The following SNTG1 variants were observed in gnomAD, a reference collection of about 807,000 sequenced individuals.
SNTG1 encodes syntrophin gamma 1.
A neutral mutation model predicts 74.7 loss-of-function variants in SNTG1; 39 were observed. The ratio of observed to expected loss-of-function variants is 0.52; its 90% CI spans 0.40 to 0.68. The LOEUF (loss-of-function observed/expected upper bound fraction) is 0.68. Ranked by LOEUF, SNTG1 falls within the 30% of genes least tolerant of loss-of-function variation. SNTG1 has a pLI of 0.00. For synonymous variants in SNTG1, 254 were observed against 217.1 expected (o/e 1.17, Z -1.49); for missense variants, 685 against 609.5 (o/e 1.12, Z -1.30).
intron 1 of SNTG1, among the ~76,000 whole-genome samples, chr8:50,149,741 A>C (rs1192032099): frequency 6.6e-6 from 1 of 152,020 alleles, no homozygotes; most frequent in Non-Finnish European, 1.5e-5. Context: ...GTTCTGTTCC[A>C]TTGGTCTATA....
At chr8:50,473,558 T>C (rs150850322) in intron 8 of SNTG1, among the ~76,000 whole-genome samples, 1 of 152,292 alleles carries the variant, frequency 6.6e-6, no homozygotes, top group East Asian at 1.9e-4. Flanking sequence ...CCAGAGTGTC[T>C]CCTCTGGGTT....
chr8:50,297,436 T>C (rs778432725), intron 2 of SNTG1, among the ~76,000 whole-genome samples: 1 of 152,162 alleles, frequency 6.6e-6, no homozygotes, highest in Non-Finnish European at 1.5e-5. Flanking sequence ...TTCTTTTCCT[T>C]ATTGAGTCAA....
At position 50,792,729 on chromosome 8, in the gene SNTG1, C is replaced by A; in HGVS notation, c.1454C>A (p.Ala485Asp). The A allele has an allele frequency of 6.2e-7, 1 of 1,612,512 alleles. No homozygotes were observed. Among genetic ancestry groups the A allele is most frequent in the Non-Finnish European group, 8.5e-7 (1 of 1,178,914 alleles). The change falls in exon 19 of 19, where the codon GCC (alanine) becomes GAC (aspartate). Residue 485 changes from alanine to aspartate, a missense_variant. Physicochemically the swap from Ala to Asp is moderately radical, Grantham distance 126 (BLOSUM62 -2). Transcript: ENST00000642720. ...CACTGCATTCATTCCTTCTTTGCTG[C>A]CAAGGTAGCTTGTTTGGACCCTCTA... The part of the protein sequence containing the change: ...VLHCIHSFFA[A>D]KVACLDPLFL...
chr8:50,420,206 A>C (rs1004237623), intron 4 of SNTG1, among the ~76,000 whole-genome samples: 1 of 152,194 alleles, frequency 6.6e-6, no homozygotes, highest in African/African-American at 2.4e-5. Context: ...GCATAAAGTC[A>C]AACAAATTCA....
At chr8:50,656,850 G>T in intron 13 of SNTG1, 59 bp from the exon 14 acceptor site, 2 of 1,058,090 alleles carry the variant, frequency 1.9e-6, no homozygotes, top group South Asian at 1.4e-5. Context: ...AATATTTTTA[G>T]ATATAAGATA....
At chr8:50,093,951 T>TA (rs1321485905) in intron 1 of SNTG1, among the ~76,000 whole-genome samples, 3 of 152,122 alleles carry the variant, frequency 2.0e-5, no homozygotes, top group African/African-American at 7.2e-5. Context: ...ATGAGGACAT[T>TA]ACTTGAGATA....
At chr8:50,221,596 G>T (rs958598494) in intron 2 of SNTG1, among the ~76,000 whole-genome samples, 3 of 151,622 alleles carry the variant, frequency 2.0e-5, no homozygotes, top group Non-Finnish European at 4.4e-5. Flanking sequence ...CAATGAGAGA[G>T]TTAGTAATAT....
chr8:50,692,666 G>T (rs956760671), intron 15 of SNTG1, among the ~76,000 whole-genome samples: 2 of 152,170 alleles, frequency 1.3e-5, no homozygotes, highest in South Asian at 4.1e-4. Flanking sequence ...CCCTACTGGG[G>T]GGTGCCTCCC....
At chr8:50,383,906 G>C (rs571225597) in intron 2 of SNTG1, among the ~76,000 whole-genome samples, 1 of 152,146 alleles carries the variant, frequency 6.6e-6, no homozygotes, top group Non-Finnish European at 1.5e-5. Flanking sequence ...GTCCAAAGTG[G>C]CTGGGAGTAT....
At chr8:50,022,222 A>G (rs1479484320) in intron 1 of SNTG1, among the ~76,000 whole-genome samples, 1 of 152,184 alleles carries the variant, frequency 6.6e-6, no homozygotes, top group Non-Finnish European at 1.5e-5. Context: ...GGAGACAATA[A>G]CAATGTCTCG....
At chr8:50,647,715 G>A (rs762676498) in intron 13 of SNTG1, among the ~76,000 whole-genome samples, 2 of 152,270 alleles carry the variant, frequency 1.3e-5, no homozygotes, top group South Asian at 4.1e-4. Context: ...TATGGGGCAT[G>A]TTTTGTGATA....
At chr8:50,173,507 T>G (rs1444872014) in intron 2 of SNTG1, among the ~76,000 whole-genome samples, 3 of 152,218 alleles carry the variant, frequency 2.0e-5, no homozygotes, top group Non-Finnish European at 4.4e-5. Context: ...TCAATTATAC[T>G]TAAATGTAGT....
chr8:50,164,014 A>G (rs2082521669), intron 1 of SNTG1: 1 of 136,934 alleles, frequency 7.3e-6, no homozygotes, highest in African/African-American at 2.8e-5. Flanking sequence ...TACCTCTTGT[A>G]TTTGCTTTTT....
intron 16 of SNTG1, chr8:50,708,651 G>A (rs2095452423): frequency 6.0e-6 from 3 of 497,534 alleles, no homozygotes; most frequent in Non-Finnish European, 1.1e-5. Context: ...ACTAGAGGGA[G>A]CAGGATTGGA....
chr8:50,690,719 A>G (rs1420272398), intron 15 of SNTG1, among the ~76,000 whole-genome samples: 1 of 152,156 alleles, frequency 6.6e-6, no homozygotes, highest in African/African-American at 2.4e-5. Context: ...AAGAATGTAT[A>G]TTCTGTTGAT....
At chr8:50,315,055 AT>A (rs1401272289) in intron 2 of SNTG1, among the ~76,000 whole-genome samples, 2 of 149,960 alleles carry the variant, frequency 1.3e-5, no homozygotes, top group African/African-American at 5.0e-5. Context: ...TAATTACTAA[AT>A]ATTGCGAATG....
chr8:50,238,907 A>C (rs1418114854), intron 2 of SNTG1, among the ~76,000 whole-genome samples: 2 of 152,210 alleles, frequency 1.3e-5, no homozygotes, highest in Non-Finnish European at 2.9e-5. Flanking sequence ...AACATTATTA[A>C]TCATTAGAAA....
chr8:50,502,676 A>G (rs1368438677), intron 8 of SNTG1, 102 bp from the exon 9 acceptor site: 3 of 901,188 alleles, frequency 3.3e-6, no homozygotes, highest in Non-Finnish European at 3.4e-6. Flanking sequence ...AATACTAGGG[A>G]AAAATGGAAG....
At chr8:50,196,053 T>C (rs929870185) in intron 2 of SNTG1, among the ~76,000 whole-genome samples, 7 of 152,162 alleles carry the variant, frequency 4.6e-5, no homozygotes, top group Non-Finnish European at 7.3e-5. Context: ...TCAGGAATTA[T>C]TTGGGCTTAA....
Sources: gnomAD v4.1 joint callset for allele counts (sites outside exome capture counted in the v4.1 genomes callset) on GRCh38, gnomAD v4.1.1 for gene constraint, MANE v1.5 for transcripts, NCBI Gene and HGNC (gene_info 2026-07-23, HGNC 2026-07-21) for gene names.